Variants in PRMT8 observed in about 807,000 individuals in gnomAD.
PRMT8 encodes the protein protein arginine methyltransferase 8.
In PRMT8, 7 loss-of-function variants were observed where a neutral mutation model predicts 47.1. The ratio of observed to expected loss-of-function variants is 0.15; its 90% CI spans 0.08 to 0.28. PRMT8 has a LOEUF of 0.28. Among genes scored for constraint, PRMT8 ranks in the 10% least tolerant of loss-of-function variants. The probability of loss-of-function intolerance (pLI) is 1.00; values close to 1 mark genes in which losing one functional copy is unlikely to be tolerated. For synonymous variants in PRMT8, 188 were observed against 186.5 expected (o/e 1.01, Z -0.07); for missense variants, 237 against 505.4 (o/e 0.47, Z 5.09).
In PRMT8 at chr12:3,491,219, C is replaced by A; in HGVS notation, c.-407C>A. ...AAGCGTGTTGCTTCGCCCAGCGGAT[C>A]GGCAGAAGTTGAGAGGAGTTGGCGG... On this transcript the variant is annotated 5_prime_UTR_variant, in exon 1 of 10. Coordinates refer to ENST00000382622, the MANE Select transcript of PRMT8 (RefSeq NM_019854.5). 6 of 1,000,490 alleles carry A rather than the reference C, an allele frequency of 6.0e-6. No individual in the cohort carries two copies. The highest frequency in any genetic ancestry group is 7.1e-6 in the Non-Finnish European group (6 of 839,928). 62.0% of individuals were successfully genotyped at this position (1,000,490 alleles called of 1,614,324 possible).
chr12:3,534,800 G>A (rs867392333), intron 1 of PRMT8, among the ~76,000 whole-genome samples: 1 of 152,202 alleles, frequency 6.6e-6, no homozygotes, highest in African/African-American at 2.4e-5. Flanking sequence ...TGGTTGGGCC[G>A]AACTGAGCTA....
Position 3,570,452 on chromosome 12 carries a change from G to T in PRMT8, c.712+888G>T, listed in dbSNP as rs543034670. 9.2e-5 allele frequency among the ~76,000 whole-genome samples: 14 copies of T among 152,320 alleles called. No homozygotes were observed. In the East Asian group the frequency reaches 1.7e-3, roughly 19 times the overall value. On this transcript the variant is annotated intron_variant, in intron 6 of 9. Transcript: ENST00000382622. The surrounding 1 kb of genome is among the most constrained non-coding windows in gnomAD (Gnocchi z 5.5). ...AAAATCCAAATTAAAGCAAGAGGCA[G>T]AAGCTCCAACCTATCCATCAGACTG...
chr12:3,591,179 G>A (rs558049811), intron 8 of PRMT8, among the ~76,000 whole-genome samples: 1 of 152,236 alleles, frequency 6.6e-6, no homozygotes, highest in East Asian at 1.9e-4. Flanking sequence ...TGTGCTGAGA[G>A]GGGAGGGAAG....
chr12:3,416,282 C>A (rs1864483044), intron 1 of PRMT8, among the ~76,000 whole-genome samples: 1 of 152,270 alleles, frequency 6.6e-6, no homozygotes, highest in Non-Finnish European at 1.5e-5. Flanking sequence ...TTTCCACTCC[C>A]TCTCTCCTAC....
Position 3,453,855 on chromosome 12 carries a change from G to A in PRMT8, c.48+72413G>A, listed in dbSNP as rs1864946756. 6.6e-6 allele frequency among the ~76,000 whole-genome samples: 1 copy of A among 152,166 alleles called. No individual in the cohort carries two copies. Among genetic ancestry groups the A allele is most frequent in the African/African-American group, 2.4e-5 (1 of 41,450 alleles). ...GGGCTTCCGACGCCGGCCCTGCTCC[G>A]GCGATTGAAAATGACTGCAGCCTCG... is the stretch of plus-strand genomic sequence containing the variant. On this transcript the variant is annotated intron_variant, in intron 1 of 9. Transcript: ENST00000452611. The surrounding 1 kb of genome is among the most constrained non-coding windows in gnomAD (Gnocchi z 4.9).
intron 4 of PRMT8, among the ~76,000 whole-genome samples, chr12:3,562,297 C>T (rs1175591033): frequency 1.3e-5 from 2 of 152,138 alleles, no homozygotes; most frequent in African/African-American, 4.8e-5. Context: ...GAGAAACAAC[C>T]CATTAATAAT....
At chr12:3,516,074 TA>T (rs1865787416) in intron 1 of PRMT8, among the ~76,000 whole-genome samples, 1 of 152,222 alleles carries the variant, frequency 6.6e-6, no homozygotes. Context: ...CCTTCTGAGA[TA>T]AAGCAAGGCA....
chr12:3,588,218 A>T (rs1366817071), intron 8 of PRMT8, among the ~76,000 whole-genome samples: 7 of 152,218 alleles, frequency 4.6e-5, no homozygotes, highest in Non-Finnish European at 1.0e-4. Flanking sequence ...ATCCTGTGAC[A>T]TTGAGTCATT....
intron 1 of PRMT8, among the ~76,000 whole-genome samples, chr12:3,498,004 A>AT (rs1865534581): frequency 6.6e-6 from 1 of 151,984 alleles, no homozygotes; most frequent in African/African-American, 2.4e-5. Context: ...TATTGTTTTT[A>AT]TTTTTTGTGC....
At chr12:3,507,185 C>G (rs928351387) in intron 1 of PRMT8, among the ~76,000 whole-genome samples, 2 of 149,656 alleles carry the variant, frequency 1.3e-5, no homozygotes, top group Non-Finnish European at 3.0e-5. Flanking sequence ...GCAGTGGCGC[C>G]ATCTCAGCTT....
intron 1 of PRMT8, among the ~76,000 whole-genome samples, chr12:3,499,161 T>TTTTA (rs932499697): frequency 3.4e-5 from 5 of 148,934 alleles, no homozygotes; most frequent in Admixed American, 6.6e-5. Context: ...CTATTTTTAT[T>TTTTA]TTTATTTATT....
intron 1 of PRMT8, among the ~76,000 whole-genome samples, chr12:3,485,000 C>T (rs1205554109): frequency 6.6e-6 from 1 of 152,124 alleles, no homozygotes; most frequent in Non-Finnish European, 1.5e-5. Flanking sequence ...GCAGGCACAA[C>T]CTCTGGAAGG....
intron 1 of PRMT8, among the ~76,000 whole-genome samples, chr12:3,421,741 G>A (rs949009959): frequency 3.3e-4 from 50 of 152,188 alleles, no homozygotes; most frequent in Admixed American, 2.2e-3. Flanking sequence ...ACATTTAATC[G>A]CAGCATTTTG....
At chr12:3,435,537 T>C (rs1864730418) in intron 1 of PRMT8, among the ~76,000 whole-genome samples, 1 of 151,450 alleles carries the variant, frequency 6.6e-6, no homozygotes, top group South Asian at 2.1e-4. Flanking sequence ...TTTTTTTTTT[T>C]TTGAGAGGGA....
intron 1 of PRMT8, among the ~76,000 whole-genome samples, chr12:3,532,880 TG>T: frequency 6.6e-6 from 1 of 152,252 alleles, no homozygotes; most frequent in South Asian, 2.1e-4. Flanking sequence ...GCTGGTGGTC[TG>T]GAGACCACAC....
intron 1 of PRMT8, among the ~76,000 whole-genome samples, chr12:3,414,622 TC>T (rs1324285067): frequency 2.6e-5 from 4 of 152,084 alleles, no homozygotes; most frequent in African/African-American, 9.7e-5. Flanking sequence ...ATATCTGGGT[TC>T]TTGTCCGGCA....
intron 1 of PRMT8, among the ~76,000 whole-genome samples, chr12:3,414,678 T>G (rs1237149470): frequency 6.6e-6 from 1 of 151,962 alleles, no homozygotes; most frequent in Admixed American, 6.6e-5. Context: ...GGGCAGTGTA[T>G]GCAGAGGATG....
rs369474984 is a variant in PRMT8 at position 3,505,368 on chromosome 12, G to A, written c.75+13668G>A. On this transcript the variant is annotated intron_variant, in intron 1 of 9. Transcript: ENST00000382622. Reference sequence around the variant, plus strand: ...CCATATAGCAAATGGCTGATGAATGGCCTCAGAATAGTTGCAAGTCCGAGA... The same window carrying A: ...CCATATAGCAAATGGCTGATGAATGACCTCAGAATAGTTGCAAGTCCGAGA... Among the ~76,000 whole-genome samples, 4 of 152,286 alleles carry A rather than the reference G, an allele frequency of 2.6e-5. No individual in the cohort carries two copies. In the South Asian group the frequency reaches 8.3e-4, roughly 32 times the overall value.
intron 1 of PRMT8, among the ~76,000 whole-genome samples, chr12:3,519,231 C>CAG (rs149644086): frequency 4.7e-5 from 7 of 150,418 alleles, no homozygotes; most frequent in East Asian, 1.9e-4. Flanking sequence ...CAGGGAATGA[C>CAG]AGAGAGAGAG....
Sources: gnomAD v4.1 joint callset for allele counts (sites outside exome capture counted in the v4.1 genomes callset) on GRCh38, gnomAD v4.1.1 for gene constraint, Gnocchi (gnomAD v3.1) non-coding constraint, MANE v1.5 for transcripts, NCBI Gene and HGNC (gene_info 2026-07-23, HGNC 2026-07-21) for gene names.